Variants in ZNF257 observed in about 807,000 individuals in gnomAD.
The protein encoded by ZNF257 is zinc finger protein 257.
In ZNF257, 12 loss-of-function variants were observed where a neutral mutation model predicts 11.9. The ratio of observed to expected loss-of-function variants is 1.01; its 90% CI spans 0.65 to 1.63. The LOEUF (loss-of-function observed/expected upper bound fraction) is 1.63, where lower values mean the gene tolerates loss of function less well. Ranked by LOEUF, ZNF257 falls within the 40% of genes most tolerant of loss-of-function variation. The pLI, the probability that ZNF257 is intolerant of heterozygous loss-of-function variation, is 0.00. For missense variants in ZNF257, 580 were observed against 665.5 expected, an observed-to-expected ratio of 0.87 and a Z score of 1.41; for synonymous variants, 183 against 222.7, an observed-to-expected ratio of 0.82 and a Z score of 1.59.
intron 1 of ZNF257, among the ~76,000 whole-genome samples, chr19:22,059,053 A>G (rs907471858): frequency 6.6e-6 from 1 of 152,196 alleles, no homozygotes; most frequent in African/African-American, 2.4e-5. Flanking sequence ...GAACCCAGAA[A>G]TAAATTAGAG....
At chr19:22,075,959 T>C (rs886958398) in intron 3 of ZNF257, 9 of 152,182 alleles carry the variant, frequency 5.9e-5, no homozygotes, top group African/African-American at 2.2e-4. Flanking sequence ...TATTTCTCTA[T>C]CTTATTAATG....
At chr19:22,069,256 TAATA>T (rs1465758980) in intron 1 of ZNF257, among the ~76,000 whole-genome samples, 1 of 152,150 alleles carries the variant, frequency 6.6e-6, no homozygotes, top group Non-Finnish European at 1.5e-5. Flanking sequence ...ATGGTTGATA[TAATA>T]AATAGATTTG....
chr19:22,065,053 CAA>C (rs370857838), intron 1 of ZNF257, among the ~76,000 whole-genome samples: 21 of 113,718 alleles, frequency 1.8e-4, no homozygotes, highest in South Asian at 2.8e-4. Context: ...GACTCCGCCT[CAA>C]AAAAAAAAAA....
intron 3 of ZNF257, among the ~76,000 whole-genome samples, chr19:22,080,281 G>T (rs954441740): frequency 2.0e-5 from 3 of 152,126 alleles, no homozygotes; most frequent in African/African-American, 7.2e-5. Context: ...ATGCTGCCAT[G>T]TAATTCTCAA....
rs112254015 is a variant in ZNF257 at position 22,059,847 on chromosome 19, C to G, written c.3+7212C>G. On this transcript the variant is annotated intron_variant, in intron 1 of 3. Coordinates refer to ENST00000594947, the MANE Select transcript of ZNF257 (RefSeq NM_033468.4). Reference sequence around the variant, plus strand: ...AAGCAATCCTCCTACCTCAGCCCCCCAAGTAGCTGGGACTATAGTCACATG... The same window carrying G: ...AAGCAATCCTCCTACCTCAGCCCCCGAAGTAGCTGGGACTATAGTCACATG... 1.7e-3 allele frequency among the ~76,000 whole-genome samples: 263 copies of G among 151,856 alleles called. 8 individuals carry two copies. The East Asian group carries it at 0.037, about 21-fold the overall frequency.
Position 22,091,384 on chromosome 19 carries a change from C to T in ZNF257, c.*1942C>T, listed in dbSNP as rs1270955528. The stretch of plus-strand genomic sequence containing the variant: ...TTGAGGCAAGAGAATCACGTGTACC[C>T]AGGAGGCAGAGGTTGCAGTGAGCCA... On this transcript the variant is annotated 3_prime_UTR_variant, in exon 4 of 4. Coordinates refer to ENST00000594947, the MANE Select transcript of ZNF257 (RefSeq NM_033468.4). 1 of 143,986 alleles carries T rather than the reference C, an allele frequency of 6.9e-6. No individual in the cohort carries two copies. Among genetic ancestry groups the T allele is most frequent in the African/African-American group, 2.6e-5 (1 of 38,802 alleles). 8.9% of individuals were successfully genotyped at this position (143,986 alleles called of 1,614,324 possible).
In ZNF257 at chr19:22,080,386, A is replaced by G. The variant is rs116314323; in HGVS notation, c.226+6822A>G. ...ATCCTCTTTGTAATCAAAATTTTAC[A>G]TTCTATTAATTCAAAAGAGAGCTGG... On this transcript the variant is annotated intron_variant, in intron 3 of 3. Transcript: ENST00000594947. 7.7e-3 allele frequency among the ~76,000 whole-genome samples: 1,176 copies of G among 152,246 alleles called. 12 individuals carry two copies. The highest frequency in any genetic ancestry group is 0.027 in the African/African-American group (1,103 of 41,506).
intron 3 of ZNF257, among the ~76,000 whole-genome samples, chr19:22,085,358 G>A (rs1054365970): frequency 3.3e-5 from 5 of 151,992 alleles, no homozygotes; most frequent in African/African-American, 4.8e-5. Flanking sequence ...TGTGAGCCAC[G>A]ATGCCTGGCT....
At chr19:22,084,764 C>T (rs2022436321) in intron 3 of ZNF257, among the ~76,000 whole-genome samples, 2 of 145,442 alleles carry the variant, frequency 1.4e-5, no homozygotes, top group South Asian at 4.4e-4. Context: ...GACAATCTCA[C>T]TCTGTTGCCC....
chr19:22,055,198 GA>G (rs1420013451), intron 1 of ZNF257, among the ~76,000 whole-genome samples: 4 of 152,102 alleles, frequency 2.6e-5, no homozygotes, highest in Admixed American at 1.3e-4. Context: ...ATTTGTGAAA[GA>G]AAAAATAGTA....
rs748452074 is a variant in ZNF257 at position 22,073,490 on chromosome 19, A to C, written c.152A>C (p.Asp51Ala). ...ACAGGTATTGCTGTCTCTAAGCCAG[A>C]CCTGATCACCTGTCTGGAGCAAGGA... ...VFLGIAVSKPDLITCLEQGKE... is the reference protein window; with the variant it reads ...VFLGIAVSKPALITCLEQGKE... Residue 51 changes from aspartate (D) to alanine (A), a missense_variant, in exon 3 of 4, where the codon GAC becomes GCC. Transcript: ENST00000594947. 6.2e-7 allele frequency: 1 copy of C among 1,611,480 alleles called. No individual in the cohort carries two copies. Among genetic ancestry groups the C allele is most frequent in the African/African-American group, 1.3e-5 (1 of 74,520 alleles).
chr19:22,053,078 G>C (rs1310984129), intron 1 of ZNF257, among the ~76,000 whole-genome samples: 1 of 152,070 alleles, frequency 6.6e-6, no homozygotes, highest in Admixed American at 6.6e-5. Flanking sequence ...TAATTAAAGA[G>C]TGATTCAAAA....
intron 1 of ZNF257, among the ~76,000 whole-genome samples, chr19:22,061,767 G>A (rs947964159): frequency 7.2e-5 from 11 of 152,024 alleles, no homozygotes; most frequent in Non-Finnish European, 1.6e-4. Context: ...TATGTTGGCT[G>A]TGGGTCTGTC....
intron 3 of ZNF257, among the ~76,000 whole-genome samples, chr19:22,085,353 G>A (rs1373137218): frequency 6.6e-6 from 1 of 152,118 alleles, no homozygotes; most frequent in Admixed American, 6.5e-5. Context: ...ACAGGTGTGA[G>A]CCACGATGCC....
chr19:22,059,844 CCCCAAGTA>C (rs1474486313), intron 1 of ZNF257, among the ~76,000 whole-genome samples: 1 of 151,520 alleles, frequency 6.6e-6, no homozygotes, highest in Non-Finnish European at 1.5e-5. Context: ...TACCTCAGCC[CCCCAAGTA>C]GCTGGGACTA....
At chr19:22,059,102 A>G (rs2021723217) in intron 1 of ZNF257, among the ~76,000 whole-genome samples, 1 of 152,156 alleles carries the variant, frequency 6.6e-6, no homozygotes, top group Admixed American at 6.5e-5. Context: ...AACCAGTCCT[A>G]TCACCTACAT....
At chr19:22,086,891 T>C (rs2022488697) in intron 3 of ZNF257, among the ~76,000 whole-genome samples, 1 of 151,900 alleles carries the variant, frequency 6.6e-6, no homozygotes, top group African/African-American at 2.4e-5. Flanking sequence ...TATATGTGTT[T>C]TTTTAAATAA....
Position 22,079,950 on chromosome 19 carries a change from C to T in ZNF257, c.226+6386C>T, listed in dbSNP as rs368580269. 1.8e-3 allele frequency among the ~76,000 whole-genome samples: 275 copies of T among 152,118 alleles called. 10 individuals are homozygous for T. The South Asian group carries it at 0.05, about 28-fold the overall frequency. On this transcript the variant is annotated intron_variant, in intron 3 of 3. Coordinates refer to ENST00000594947, the MANE Select transcript of ZNF257 (RefSeq NM_033468.4). ...GTTTTATTCAATTGTGGTCAGAAAA[C>T]GCACAGTGTATAATTTTGGTATACT... is the stretch of plus-strand genomic sequence containing the variant.
intron 3 of ZNF257, among the ~76,000 whole-genome samples, chr19:22,077,274 GT>G (rs2022249551): frequency 6.6e-6 from 1 of 152,070 alleles, no homozygotes; most frequent in East Asian, 1.9e-4. Flanking sequence ...AGCCATAGTT[GT>G]GCCACTGCAA....
Sources: allele counts gnomAD v4.1 joint callset (sites outside exome capture counted in the v4.1 genomes callset), GRCh38; gene constraint gnomAD v4.1.1; transcripts MANE v1.5; gene names NCBI Gene and HGNC (gene_info 2026-07-23, HGNC 2026-07-21).